Variants in KPNA3 observed in about 807,000 individuals in gnomAD.
KPNA3 encodes karyopherin subunit alpha 3.
Under a neutral mutation model 73.8 loss-of-function variants are expected in KPNA3, and 13 were observed. The observed-to-expected ratio is 0.18, with a 90% CI of 0.11 to 0.28. The LOEUF is 0.28. Among genes scored for constraint, KPNA3 ranks in the 10% least tolerant of loss-of-function variants. The pLI, the probability that KPNA3 is intolerant of heterozygous loss-of-function variation, is 1.00. For synonymous variants in KPNA3, 186 were observed against 206.9 expected, an observed-to-expected ratio of 0.90 and a Z score of 0.87; for missense variants, 360 against 618.1, an observed-to-expected ratio of 0.58 and a Z score of 4.43.
At chr13:49,724,879 G>C (rs1260063883) in intron 7 of KPNA3, among the ~76,000 whole-genome samples, 2 of 152,230 alleles carry the variant, frequency 1.3e-5, no homozygotes, top group African/African-American at 4.8e-5. Flanking sequence ...TTAGAGGCAT[G>C]AGCCACCTGT....
intron 10 of KPNA3, among the ~76,000 whole-genome samples, chr13:49,718,044 A>G (rs1199215485): frequency 1.3e-5 from 2 of 152,010 alleles, no homozygotes; most frequent in Non-Finnish European, 2.9e-5. Context: ...TGATCATGGT[A>G]TGAAAAAGCA....
chr13:49,713,370 C>T (rs992324580), intron 10 of KPNA3, among the ~76,000 whole-genome samples: 1 of 147,456 alleles, frequency 6.8e-6, no homozygotes, highest in Admixed American at 6.8e-5. Context: ...ATACTACTGT[C>T]ATATGAGGGA....
At chr13:49,767,703 G>A (rs1954820137) in intron 1 of KPNA3, among the ~76,000 whole-genome samples, 1 of 152,078 alleles carries the variant, frequency 6.6e-6, no homozygotes, top group Non-Finnish European at 1.5e-5. Context: ...ATGTGATCCT[G>A]AACCTATTAC....
intron 1 of KPNA3, among the ~76,000 whole-genome samples, chr13:49,788,859 T>C (rs1955007926): frequency 6.6e-6 from 1 of 151,732 alleles, no homozygotes; most frequent in African/African-American, 2.4e-5. Flanking sequence ...TCAGTGATGA[T>C]AATTACTCCC....
At chr13:49,702,348 T>C in intron 16 of KPNA3, 38 bp downstream of exon 16, 1 of 1,066,406 alleles carries the variant, frequency 9.4e-7, no homozygotes, top group Non-Finnish European at 1.4e-6. Flanking sequence ...TAGGTTTTCA[T>C]TTACATGAAG....
At chr13:49,758,764 AT>A (rs1175353670) in intron 1 of KPNA3, among the ~76,000 whole-genome samples, 2 of 151,576 alleles carry the variant, frequency 1.3e-5, no homozygotes, top group Non-Finnish European at 2.9e-5. Context: ...ACACACACAC[AT>A]ATGTTTATAT....
chr13:49,774,870 T>G, intron 1 of KPNA3, among the ~76,000 whole-genome samples: 1 of 152,160 alleles, frequency 6.6e-6, no homozygotes, highest in East Asian at 1.9e-4. Context: ...TATGAAAATA[T>G]TCGGCCAGGC....
At chr13:49,790,880 T>C (rs527369025) in intron 1 of KPNA3, among the ~76,000 whole-genome samples, 4 of 152,358 alleles carry the variant, frequency 2.6e-5, no homozygotes, top group African/African-American at 9.6e-5. Context: ...TTTCAATAAA[T>C]TTTTATTTGG....
chr13:49,706,419 C>A, intron 12 of KPNA3, 47 bp from the exon 13 acceptor site: 1 of 1,213,558 alleles, frequency 8.2e-7, no homozygotes, highest in Non-Finnish European at 1.2e-6. Flanking sequence ...AAAATAATAC[C>A]TTTAATGTCT....
intron 1 of KPNA3, among the ~76,000 whole-genome samples, chr13:49,760,510 A>C (rs1056551042): frequency 5.3e-5 from 8 of 152,106 alleles, no homozygotes; most frequent in African/African-American, 1.9e-4. Context: ...AAAGATGGTG[A>C]GATTAAGAGA....
At chr13:49,757,691 T>TAC (rs111250503) in intron 1 of KPNA3, among the ~76,000 whole-genome samples, 14,115 of 150,500 alleles carry the variant, frequency 0.094, 687 homozygotes, top group South Asian at 0.13. Context: ...AAAACTCATC[T>TAC]ACACACACAC....
intron 10 of KPNA3, among the ~76,000 whole-genome samples, chr13:49,717,188 C>A (rs1954311648): frequency 6.6e-6 from 1 of 152,018 alleles, no homozygotes; most frequent in South Asian, 2.1e-4. Flanking sequence ...AAACAAATAT[C>A]ATTTCTCGAT....
At chr13:49,787,566 G>A (rs1233461689) in intron 1 of KPNA3, among the ~76,000 whole-genome samples, 1 of 152,160 alleles carries the variant, frequency 6.6e-6, no homozygotes, top group East Asian at 1.9e-4. Context: ...GAGTGCAGTG[G>A]CATGACCACA....
chr13:49,762,696 T>C lies in KPNA3; in HGVS notation c.70-15703A>G, dbSNP rs558792429. Among the ~76,000 whole-genome samples, 9 of 152,024 alleles carry C rather than the reference T, an allele frequency of 5.9e-5. No individual in the cohort carries two copies. The East Asian group carries it at 1.7e-3, about 29-fold the overall frequency. On this transcript the variant is annotated intron_variant, in intron 1 of 16. Coordinates refer to ENST00000261667, the MANE Select transcript of KPNA3 (RefSeq NM_002267.4). ...CTCGTTAAGAGTCATCACCACTCCC[T>C]AATCTCAAGTACCCAGGGACACAAA...
chr13:49,747,542 G>C (rs1387223878), intron 1 of KPNA3, among the ~76,000 whole-genome samples: 1 of 152,100 alleles, frequency 6.6e-6, no homozygotes, highest in Non-Finnish European at 1.5e-5. Flanking sequence ...AAAATTAGCT[G>C]GGTGCAGTAG....
intron 12 of KPNA3, among the ~76,000 whole-genome samples, 174 bp downstream of exon 12, chr13:49,709,398 C>CAAA (rs386379154): frequency 0.29 from 28,150 of 96,918 alleles, 3,712 homozygotes; most frequent in Non-Finnish European, 0.38. Flanking sequence ...GACTCTGTCT[C>CAAA]AAAAAAAAAA....
chr13:49,789,017 A>G (rs1367203148), intron 1 of KPNA3, among the ~76,000 whole-genome samples: 1 of 152,080 alleles, frequency 6.6e-6, no homozygotes, highest in Non-Finnish European at 1.5e-5. Flanking sequence ...CCCAGTCTCA[A>G]TTTTTTGGAA....
chr13:49,703,185 T>TTC (rs1158642874), intron 15 of KPNA3, among the ~76,000 whole-genome samples: 1,892 of 138,704 alleles, frequency 0.014, 14 homozygotes, highest in Non-Finnish European at 0.021. Flanking sequence ...CTTTCTTTCT[T>TTC]TTTTTTTTTT....
chr13:49,712,971 T>TA (rs34032976), intron 10 of KPNA3, among the ~76,000 whole-genome samples: 3,246 of 136,610 alleles, frequency 0.024, 48 homozygotes, highest in South Asian at 0.033. Context: ...ACTAACCTAT[T>TA]AAAAAAAAAA....
Sources: allele counts gnomAD v4.1 joint callset (sites outside exome capture counted in the v4.1 genomes callset), GRCh38; gene constraint gnomAD v4.1.1; transcripts MANE v1.5; gene names NCBI Gene and HGNC (gene_info 2026-07-23, HGNC 2026-07-21).